Variants in NUMA1 observed in about 807,000 individuals in gnomAD.
NUMA1 encodes SP-H antigen.
A neutral mutation model predicts 237.1 loss-of-function variants in NUMA1; 62 were observed. The ratio of observed to expected loss-of-function variants is 0.26; its 90% CI spans 0.21 to 0.32. NUMA1 has a LOEUF of 0.32. Ranked by LOEUF, NUMA1 falls within the 10% of genes least tolerant of loss-of-function variation. NUMA1 has a pLI of 1.00. For synonymous variants in NUMA1, 1,028 were observed against 1,066.1 expected (o/e 0.96, Z 0.70); for missense variants, 2,533 against 2,666.5 (o/e 0.95, Z 1.10).
At chr11:72,004,403 T>A in intron 24 of NUMA1, 62 bp from the exon 25 acceptor site, 1 of 1,467,220 alleles carries the variant, frequency 6.8e-7, no homozygotes, top group Non-Finnish European at 9.5e-7. Context: ...AAGCCAGGTG[T>A]CTTGTCCTCT....
Position 72,003,223 on chromosome 11 carries a change from C to A in NUMA1, c.*304G>T. ...GGAAGACTGGCCAGGCCCAAGGACC[C>A]AGCCATCAAAACCAGCCTCAAATCT... is the stretch of plus-strand genomic sequence containing the variant. On this transcript the variant is annotated 3_prime_UTR_variant, in exon 27 of 27. Coordinates refer to ENST00000393695, the MANE Select transcript of NUMA1 (RefSeq NM_006185.4). The A allele has an allele frequency of 2.1e-6, 1 of 465,992 alleles. No individual in the cohort carries two copies. The allele number at this position is 465,992 out of a possible 1,614,324, so 28.9% of individuals were successfully genotyped here.
chr11:72,054,002 G>C (rs1244862544), intron 2 of NUMA1, among the ~76,000 whole-genome samples: 1 of 152,164 alleles, frequency 6.6e-6, no homozygotes, highest in Non-Finnish European at 1.5e-5. Flanking sequence ...ATAGAGACTT[G>C]AGCATCCAAG....
chr11:72,008,499 G>A lies in NUMA1; in HGVS notation c.5216+189C>T, dbSNP rs115804713. On this transcript the variant is annotated intron_variant, in intron 20 of 26. Transcript: ENST00000393695. ...ACTCAGCAGGAGCGATAGCTTCCAC[G>A]AAGCCTTTCTTGACCACTTGCTTTT... 25 of 644,104 alleles carry A rather than the reference G, an allele frequency of 3.9e-5. No homozygotes were observed. In the African/African-American group the frequency reaches 4.0e-4, roughly 10 times the overall value. The allele number at this position is 644,104 out of a possible 1,614,324, so 39.9% of individuals were successfully genotyped here. A position where few individuals can be genotyped will look rare whatever the true frequency, so the allele number is the denominator to read the frequency against.
At chr11:72,062,159 C>T (rs1241581512) in intron 2 of NUMA1, among the ~76,000 whole-genome samples, 2 of 152,224 alleles carry the variant, frequency 1.3e-5, no homozygotes, top group African/African-American at 4.8e-5. Flanking sequence ...AGTTCCTATA[C>T]GGCAGGCAGG....
chr11:72,076,939 T>C (rs1263261938), intron 1 of NUMA1, among the ~76,000 whole-genome samples: 1 of 151,586 alleles, frequency 6.6e-6, no homozygotes, highest in Non-Finnish European at 1.5e-5. Context: ...AAAAACAAGA[T>C]CACGAAAAAC....
rs1373043639 is a variant in NUMA1, at chr11:72,015,092, T to A, written c.2411A>T (p.Glu804Val). 1 of 1,613,914 alleles carries A rather than the reference T, an allele frequency of 6.2e-7. No individual in the cohort carries two copies. Among genetic ancestry groups the A allele is most frequent in the African/African-American group, 1.3e-5 (1 of 75,058 alleles). The change falls in exon 15 of 27, where the codon GAG (glutamate) becomes GTG (valine). Residue 804 changes from glutamate (E) to valine (V), a missense_variant. Around this residue, in one of 3 missense-constraint regions of NUMA1, gnomAD observed 1,414 missense variants for 1,508.1 expected, o/e 0.94. Coordinates refer to ENST00000393695, the MANE Select transcript of NUMA1 (RefSeq NM_006185.4). This position sits in a 1 kb window ranked among gnomAD's most constrained non-coding sequence, Gnocchi z 4.0. ...GGCAGCTACTTCTTTGACGAGCTGCTCACACTCACTCTCAGCTGTGTGCTG... is the reference window on the plus strand; with the variant it reads ...GGCAGCTACTTCTTTGACGAGCTGCACACACTCACTCTCAGCTGTGTGCTG... The part of the protein sequence containing the change: ...AAQHTAESEC[E>V]QLVKEVAAWR...
At chr11:72,038,931 CCT>C (rs1161070090) in intron 2 of NUMA1, among the ~76,000 whole-genome samples, 1 of 152,104 alleles carries the variant, frequency 6.6e-6, no homozygotes, top group Non-Finnish European at 1.5e-5. Flanking sequence ...GGTAAGGCAC[CCT>C]CTCTTTTCCC....
intron 4 of NUMA1, among the ~76,000 whole-genome samples, chr11:72,028,745 A>G (rs548061898): frequency 1.9e-3 from 287 of 152,358 alleles, no homozygotes; most frequent in Middle Eastern, 0.01. Context: ...GTACTGTGCT[A>G]ACAAGTTAGA....
rs935617228 is a variant in NUMA1, at chr11:72,014,673, C to T, written c.2830G>A (p.Ala944Thr). 2.5e-6 allele frequency: 4 copies of T among 1,613,282 alleles called. No homozygotes were observed. Among genetic ancestry groups the T allele is most frequent in the Non-Finnish European group, 3.4e-6 (4 of 1,180,028 alleles). The change falls in exon 15 of 27, where the codon GCA becomes ACA. Residue 944 changes from alanine (A) to threonine (T), a missense_variant. This residue lies in a region of NUMA1 where 1,414 missense variants were observed against 1,508.1 expected (regional missense o/e 0.94). Coordinates refer to ENST00000393695, the MANE Select transcript of NUMA1 (RefSeq NM_006185.4). The surrounding 1 kb of genome is among the most constrained non-coding windows in gnomAD (Gnocchi z 4.6). The part of the protein sequence containing the change: ...SRELVKEPAR[A>T]GDRQPEWLEE... ...AGCCACTCGGGCTGTCTGTCTCCTG[C>T]CCTCGCAGGCTCCTTGACTAACTCC... is the stretch of plus-strand genomic sequence containing the variant.
intron 5 of NUMA1, 196 bp downstream of exon 5, chr11:72,024,078 C>T: frequency 1.8e-6 from 1 of 561,786 alleles, no homozygotes; most frequent in Non-Finnish European, 3.2e-6. Flanking sequence ...ACTGAAGGGA[C>T]ACTCTTCTTA....
At position 72,010,871 on chromosome 11, in the gene NUMA1, A is replaced by G. The variant is rs1008479445; in HGVS notation, c.4651-17T>C. On this transcript the variant is annotated splice_polypyrimidine_tract_variant and intron_variant, in intron 16 of 26. Transcript: ENST00000393695. ...TTCTTCCACCTGGGGAGGGAAGAGG[A>G]GGACAGAAGACTCAGGAGGACTTCC... 4 of 1,611,704 alleles carry G rather than the reference A, an allele frequency of 2.5e-6. No individual in the cohort carries two copies. Among genetic ancestry groups the G allele is most frequent in the Non-Finnish European group, 3.4e-6 (4 of 1,178,150 alleles).
chr11:72,024,048 T>C (rs1939245845), intron 5 of NUMA1: 5 of 497,350 alleles, frequency 1.0e-5, no homozygotes, highest in Non-Finnish European at 1.8e-5. Context: ...TCCACCTAGA[T>C]CTCCGAGAAG....
chr11:72,019,272 G>A (rs1422092796), intron 9 of NUMA1, among the ~76,000 whole-genome samples: 1 of 152,178 alleles, frequency 6.6e-6, no homozygotes. Flanking sequence ...AGGAAGAAGG[G>A]TATTCCATAA....
At chr11:72,016,370 C>T (rs1242809691) in intron 14 of NUMA1, 38 bp downstream of exon 14, 16 of 1,608,900 alleles carry the variant, frequency 9.9e-6, no homozygotes, top group Non-Finnish European at 1.4e-5. Flanking sequence ...TGAGTCCACA[C>T]CAACCAGCAG....
In NUMA1 at chr11:72,004,661, G is replaced by A; in HGVS notation, c.5985C>T (p.His1995=). Residue 1995 remains histidine (H), a synonymous_variant, in exon 24 of 27, where the codon CAC becomes CAT. Coordinates refer to ENST00000393695, the MANE Select transcript of NUMA1 (RefSeq NM_006185.4). Reference sequence around the variant, plus strand: ...CTACCTCAGGAGTTCCAGGGCCCTGGTGGGGCTCTAGGGAGACCCGTTTGC... The same window carrying A: ...CTACCTCAGGAGTTCCAGGGCCCTGATGGGGCTCTAGGGAGACCCGTTTGC... ...QQRKRVSLEP[H]QGPGTPESKK... is the part of the protein sequence containing the mutation. 6.2e-7 allele frequency: 1 copy of A among 1,613,050 alleles called. No homozygotes were observed.
chr11:72,025,905 A>G (rs1300660250), intron 4 of NUMA1, among the ~76,000 whole-genome samples: 1 of 152,234 alleles, frequency 6.6e-6, no homozygotes, highest in East Asian at 1.9e-4. Context: ...ACCCACCCAC[A>G]ATCTGGAATG....
chr11:72,022,019 C>A (rs1174354962), intron 7 of NUMA1, among the ~76,000 whole-genome samples: 1 of 152,080 alleles, frequency 6.6e-6, no homozygotes, highest in African/African-American at 2.4e-5. Context: ...AAAACACACA[C>A]ACACAGAAAC....
At position 72,007,450 on chromosome 11, in the gene NUMA1, C is replaced by T. The variant is rs757756252; in HGVS notation, c.5217-15G>A. Reference sequence around the variant, plus strand: ...GAGGCAGCTTGCTATGGAAAGGAAACCTGCTGAGGTACAGTCCTTCACGCT... The same window carrying T: ...GAGGCAGCTTGCTATGGAAAGGAAATCTGCTGAGGTACAGTCCTTCACGCT... On this transcript the variant is annotated splice_polypyrimidine_tract_variant and intron_variant, in intron 20 of 26. Coordinates refer to ENST00000393695, the MANE Select transcript of NUMA1 (RefSeq NM_006185.4). The T allele has an allele frequency of 1.9e-6, 3 of 1,612,460 alleles. No individual in the cohort carries two copies. Among genetic ancestry groups the T allele is most frequent in the Non-Finnish European group, 1.7e-6 (2 of 1,179,796 alleles).
intron 19 of NUMA1, 23 bp downstream of exon 19, chr11:72,008,944 G>A (rs1349618354): frequency 6.3e-7 from 1 of 1,597,798 alleles, no homozygotes. Context: ...GGAGTGAGGT[G>A]AGTCTGCCAG....
Sources: gnomAD v4.1 joint callset for allele counts (sites outside exome capture counted in the v4.1 genomes callset) on GRCh38, gnomAD v4.1.1 for gene constraint, gnomAD v4.1.1 regional missense constraint, Gnocchi (gnomAD v3.1) non-coding constraint, MANE v1.5 for transcripts, NCBI Gene and HGNC (gene_info 2026-07-23, HGNC 2026-07-21) for gene names.